PRAG1: variants seen among roughly 807,000 people sequenced by gnomAD.
The protein encoded by PRAG1 is inactive tyrosine-protein kinase PRAG1.
In PRAG1, 110 loss-of-function variants were observed where a neutral mutation model predicts 95.6. The ratio of observed to expected loss-of-function variants is 1.15; its 90% CI spans 0.99 to 1.35. The LOEUF is 1.35. Ranked by LOEUF, PRAG1 falls within the 40% of genes most tolerant of loss-of-function variation. PRAG1 has a pLI of 0.00. For missense variants in PRAG1, 2,554 were observed against 1,864.7 expected, an observed-to-expected ratio of 1.37 and a Z score of -6.81; for synonymous variants, 1,052 against 819.4, an observed-to-expected ratio of 1.28 and a Z score of -4.85.
intron 4 of PRAG1, among the ~76,000 whole-genome samples, chr8:8,339,152 C>T (rs557143526): frequency 6.6e-6 from 1 of 151,774 alleles, no homozygotes; most frequent in East Asian, 1.9e-4. Context: ...GGTTTAGGAC[C>T]CATCCTGAGG....
chr8:8,325,935 TA>T (rs919584549), intron 5 of PRAG1, among the ~76,000 whole-genome samples: 1,981 of 140,734 alleles, frequency 0.014, 37 homozygotes, highest in African/African-American at 0.041. Flanking sequence ...TAATAATAAT[TA>T]AAAAAAAAAA....
At position 8,370,878 on chromosome 8, in the gene PRAG1, G is replaced by A. The variant is rs114895913; in HGVS notation, c.2162+5369C>T. 5.3e-3 allele frequency among the ~76,000 whole-genome samples: 801 copies of A among 152,302 alleles called. 7 individuals carry two copies. Among genetic ancestry groups the A allele is most frequent in the African/African-American group, 0.019 (771 of 41,568 alleles). On this transcript the variant is annotated intron_variant, in intron 3 of 5. Coordinates refer to ENST00000615670, the MANE Select transcript of PRAG1 (RefSeq NM_001080826.3). Reference sequence around the variant, plus strand: ...AAGAGTGAGCAAAAGACCGGGGGCTGTAGCTCACACCTGTAATCCCAACAC... The same window carrying A: ...AAGAGTGAGCAAAAGACCGGGGGCTATAGCTCACACCTGTAATCCCAACAC...
At chr8:8,370,043 T>A (rs1051667516) in intron 3 of PRAG1, among the ~76,000 whole-genome samples, 1 of 152,208 alleles carries the variant, frequency 6.6e-6, no homozygotes, top group Non-Finnish European at 1.5e-5. Context: ...TTAATAGATA[T>A]CTGATAAATT....
chr8:8,325,012 G>GCGAC (rs2117107733), intron 5 of PRAG1, among the ~76,000 whole-genome samples: 1 of 152,278 alleles, frequency 6.6e-6, no homozygotes, highest in Admixed American at 6.5e-5. Flanking sequence ...CTAGGACTCC[G>GCGAC]CGACCGCAAA....
intron 3 of PRAG1, among the ~76,000 whole-genome samples, chr8:8,375,038 T>C (rs1800333849): frequency 6.6e-6 from 1 of 151,962 alleles, no homozygotes; most frequent in East Asian, 1.9e-4. Flanking sequence ...AGAGAAATTT[T>C]TTTTCCCCAG....
At chr8:8,359,513 G>A (rs1310068971) in intron 3 of PRAG1, among the ~76,000 whole-genome samples, 1 of 152,156 alleles carries the variant, frequency 6.6e-6, no homozygotes, top group Non-Finnish European at 1.5e-5. Flanking sequence ...CTGATTGATA[G>A]CTCTAAGGTC....
At chr8:8,349,697 GT>G (rs1303086990) in intron 3 of PRAG1, among the ~76,000 whole-genome samples, 2 of 152,106 alleles carry the variant, frequency 1.3e-5, no homozygotes, top group African/African-American at 4.8e-5. Flanking sequence ...CTGGGGGCAT[GT>G]TTTCCACCCG....
At position 8,318,810 on chromosome 8, in the gene PRAG1, C is replaced by CAGCAGGCGGGGCGGCAGAGG; in HGVS notation, c.3545_3564dup (p.Gly1189ProfsTer37). The CAGCAGGCGGGGCGGCAGAGG allele has an allele frequency of 6.9e-7, 1 of 1,448,766 alleles. No homozygotes were observed. Among genetic ancestry groups the CAGCAGGCGGGGCGGCAGAGG allele is most frequent in the African/African-American group, 1.5e-5 (1 of 67,714 alleles). 89.7% of individuals were successfully genotyped at this position (1,448,766 alleles called of 1,614,324 possible). A position where few individuals can be genotyped will look rare whatever the true frequency, so the allele number is the denominator to read the frequency against. Reference sequence around the variant, plus strand: ...CCGGCTGCGGGGCTGAGAGTGCCACCAGCAGGCGGGGCGGCAGAGGAGCAG... The same window carrying CAGCAGGCGGGGCGGCAGAGG: ...CCGGCTGCGGGGCTGAGAGTGCCACCAGCAGGCGGGGCGGCAGAGGAGCAGGCGGGGCGGCAGAGGAGCAG... On this transcript the variant is annotated frameshift_variant, in exon 6 of 6. Transcript: ENST00000615670. LOFTEE classifies it high-confidence loss of function. The surrounding 1 kb of genome is among the most constrained non-coding windows in gnomAD (Gnocchi z 4.2).
chr8:8,357,587 G>A (rs1446591156), intron 3 of PRAG1, among the ~76,000 whole-genome samples: 1 of 152,208 alleles, frequency 6.6e-6, no homozygotes, highest in Non-Finnish European at 1.5e-5. Context: ...TGCACTGTCA[G>A]TGGGAATACA....
intron 3 of PRAG1, among the ~76,000 whole-genome samples, chr8:8,349,847 A>G (rs1374477823): frequency 6.6e-6 from 1 of 152,020 alleles, no homozygotes; most frequent in East Asian, 1.9e-4. Flanking sequence ...CTACAAGTTT[A>G]AAAGCCCTTT....
chr8:8,357,191 A>C (rs1044031647), intron 3 of PRAG1, among the ~76,000 whole-genome samples: 2 of 152,230 alleles, frequency 1.3e-5, no homozygotes, highest in African/African-American at 2.4e-5. Flanking sequence ...ACTGGACTAC[A>C]TGGGAATAAA....
chr8:8,335,384 A>G (rs1798953718), intron 4 of PRAG1, among the ~76,000 whole-genome samples: 2 of 152,210 alleles, frequency 1.3e-5, no homozygotes, highest in African/African-American at 4.8e-5. Flanking sequence ...AGGCCCCAAG[A>G]TAAAGTGCAA....
chr8:8,319,580 G>C (rs568340625), intron 5 of PRAG1, among the ~76,000 whole-genome samples: 12 of 152,184 alleles, frequency 7.9e-5, no homozygotes, highest in South Asian at 6.2e-4. Flanking sequence ...TGCTTCAAAA[G>C]ACACCATTAA....
chr8:8,336,696 C>T (rs781012308), intron 4 of PRAG1, among the ~76,000 whole-genome samples: 1 of 151,608 alleles, frequency 6.6e-6, no homozygotes, highest in Non-Finnish European at 1.5e-5. Flanking sequence ...TAAAACCTCC[C>T]CCCACCCATA....
intron 3 of PRAG1, among the ~76,000 whole-genome samples, chr8:8,361,456 G>C: frequency 2.0e-5 from 3 of 152,186 alleles, no homozygotes; most frequent in Middle Eastern, 6.8e-3. Flanking sequence ...GTGGCAGTGG[G>C]TTATTAAGAA....
intron 3 of PRAG1, among the ~76,000 whole-genome samples, chr8:8,344,659 A>G (rs938527295): frequency 3.3e-5 from 5 of 152,236 alleles, no homozygotes; most frequent in African/African-American, 1.2e-4. Flanking sequence ...TCTGAACTTC[A>G]CTGCATGCTT....
In PRAG1 at chr8:8,327,731, G is replaced by A. The variant is rs780010748; in HGVS notation, c.3051C>T (p.Pro1017=). Residue 1017 remains proline (P), a synonymous_variant, in exon 5 of 6, where the codon CCC becomes CCT. Transcript: ENST00000615670. ...IYYCATCSED[P]GSTYAVKICK... ...CTACTTTCACAGCATAGGTGCTGCCGGGGTCCTCAGAGCAGGTGGCACAGT... is the reference window on the plus strand; with the variant it reads ...CTACTTTCACAGCATAGGTGCTGCCAGGGTCCTCAGAGCAGGTGGCACAGT... 15 of 1,613,416 alleles carry A rather than the reference G, an allele frequency of 9.3e-6. No individual in the cohort carries two copies. Among genetic ancestry groups the A allele is most frequent in the Non-Finnish European group, 1.2e-5 (14 of 1,179,542 alleles).
chr8:8,340,645 C>T (rs1206568789), intron 3 of PRAG1, among the ~76,000 whole-genome samples: 1 of 152,258 alleles, frequency 6.6e-6, no homozygotes, highest in Non-Finnish European at 1.5e-5. Context: ...ACCTTACGGT[C>T]AAGAATTTAT....
rs1563260386 is a variant in PRAG1, at chr8:8,381,743, T to A, written c.5A>T (p.His2Leu). 3 of 1,583,176 alleles carry A rather than the reference T, an allele frequency of 1.9e-6. No individual in the cohort carries two copies. Among genetic ancestry groups the A allele is most frequent in the Admixed American group, 1.7e-5 (1 of 58,190 alleles). ...CTCGGGGTTCAGGCAGAGGGTCTGG[T>A]GCATCTTGAGCCGACAGGGTGCTGG... M[H>L]QTLCLNPESL... Residue 2 changes from histidine to leucine, a missense_variant, in exon 2 of 6, where the codon CAC becomes CTC. By Grantham distance (99) the His-to-Leu change is moderately conservative. Coordinates refer to ENST00000615670, the MANE Select transcript of PRAG1 (RefSeq NM_001080826.3).
Sources: gnomAD v4.1 joint callset for allele counts (sites outside exome capture counted in the v4.1 genomes callset) on GRCh38, gnomAD v4.1.1 for gene constraint, Gnocchi (gnomAD v3.1) non-coding constraint, MANE v1.5 for transcripts, NCBI Gene and HGNC (gene_info 2026-07-23, HGNC 2026-07-21) for gene names.